DLG2: variants seen among roughly 807,000 people sequenced by gnomAD.
DLG2 encodes disks large homolog 2.
DLG2 carries 45 observed loss-of-function variants against 132.5 expected under a neutral mutation model. The ratio of observed to expected loss-of-function variants is 0.34; its 90% CI spans 0.27 to 0.44. The LOEUF (loss-of-function observed/expected upper bound fraction) is 0.44. Ranked by LOEUF, DLG2 falls within the 20% of genes least tolerant of loss-of-function variation. The pLI, the probability that DLG2 is intolerant of heterozygous loss-of-function variation, is 1.00. For synonymous variants in DLG2, 424 were observed against 419.6 expected (o/e 1.01, Z -0.13); for missense variants, 1,045 against 1,196.9 (o/e 0.87, Z 1.87).
intron 6 of DLG2, among the ~76,000 whole-genome samples, chr11:84,610,817 C>T (rs1237322570): frequency 6.6e-6 from 1 of 152,144 alleles, no homozygotes; most frequent in Non-Finnish European, 1.5e-5. Context: ...CCCAGTCATA[C>T]ATAGCCACAG....
chr11:84,238,304 T>C (rs1210516624), intron 8 of DLG2, among the ~76,000 whole-genome samples: 1 of 151,812 alleles, frequency 6.6e-6, no homozygotes, highest in African/African-American at 2.4e-5. Context: ...TGCTTGAGCC[T>C]GGGAATTCAA....
At chr11:85,320,152 T>A (rs1001460777) in intron 3 of DLG2, among the ~76,000 whole-genome samples, 2 of 151,884 alleles carry the variant, frequency 1.3e-5, no homozygotes, top group Admixed American at 1.3e-4. Flanking sequence ...TAAGTTACCA[T>A]ATGCTGTGAT....
chr11:85,285,130 T>C, intron 4 of DLG2, 90 bp downstream of exon 4: 2 of 1,120,818 alleles, frequency 1.8e-6, no homozygotes, highest in Admixed American at 4.7e-5. Flanking sequence ...TGTTGCCATT[T>C]GTTGATAATA....
chr11:85,061,402 T>C (rs2064120604), intron 6 of DLG2, among the ~76,000 whole-genome samples: 1 of 151,874 alleles, frequency 6.6e-6, no homozygotes, highest in South Asian at 2.1e-4. Context: ...GCTTAGATAT[T>C]ATTTGGCCTA....
intron 8 of DLG2, among the ~76,000 whole-genome samples, chr11:84,207,090 T>TATAC (rs1290472695): frequency 2.6e-5 from 4 of 151,680 alleles, no homozygotes; most frequent in African/African-American, 9.7e-5. Flanking sequence ...TCTATATATA[T>TATAC]ATATGTATGT....
At chr11:84,532,829 T>C (rs2099346127) in intron 7 of DLG2, among the ~76,000 whole-genome samples, 1 of 152,086 alleles carries the variant, frequency 6.6e-6, no homozygotes, top group Admixed American at 6.6e-5. Context: ...TTTCAACCAG[T>C]TTGAAAGAAT....
chr11:83,659,028 T>C (rs948242102), intron 18 of DLG2, among the ~76,000 whole-genome samples: 1 of 152,222 alleles, frequency 6.6e-6, no homozygotes, highest in Non-Finnish European at 1.5e-5. Flanking sequence ...TCACTTACTG[T>C]CTTGTATTGC....
At chr11:83,623,393 T>G (rs1444155008) in intron 19 of DLG2, among the ~76,000 whole-genome samples, 7 of 152,226 alleles carry the variant, frequency 4.6e-5, no homozygotes, top group Non-Finnish European at 1.0e-4. Context: ...TCTCTCCAAT[T>G]TGGTGACATC....
In DLG2 at chr11:85,496,146, C is replaced by T. The variant is rs113083280; in HGVS notation, c.40+102511G>A. On this transcript the variant is annotated intron_variant, in intron 3 of 27. Transcript: ENST00000376104. ...TGGTTGGGGGATTTCCCTTTCCTAG[C>T]CAAGGGAAGCCATGAGTTACTGTAC... Among the ~76,000 whole-genome samples the T allele has an allele frequency of 6.5e-3, 986 of 152,260 alleles. 11 individuals carry two copies. Among genetic ancestry groups the T allele is most frequent in the African/African-American group, 0.022 (919 of 41,550 alleles).
chr11:83,880,044 T>C (rs1437050050), intron 15 of DLG2, among the ~76,000 whole-genome samples: 1 of 152,158 alleles, frequency 6.6e-6, no homozygotes, highest in Non-Finnish European at 1.5e-5. Flanking sequence ...ATATGTGGTG[T>C]GCTCTGGAAA....
rs2135889624 is a variant in DLG2, at chr11:83,457,875, G to A, written c.*1943C>T. Reference sequence around the variant, plus strand: ...AGAATGCATTGCTAGCCCTTCCATTGGCAAAGGAAGCCTCAGGACTATGGG... The same window carrying A: ...AGAATGCATTGCTAGCCCTTCCATTAGCAAAGGAAGCCTCAGGACTATGGG... On this transcript the variant is annotated 3_prime_UTR_variant, in exon 28 of 28. Transcript: ENST00000376104. 6.5e-6 allele frequency: 1 copy of A among 152,762 alleles called. No homozygotes were observed. The highest frequency in any genetic ancestry group is 3.4e-3 in the Middle Eastern group (1 of 294). The allele number at this position is 152,762 out of a possible 1,614,324, so 9.5% of individuals were successfully genotyped here. A position where few individuals can be genotyped will look rare whatever the true frequency, so the allele number is the denominator to read the frequency against.
chr11:84,269,561 T>C (rs893496847), intron 7 of DLG2, among the ~76,000 whole-genome samples: 1 of 152,222 alleles, frequency 6.6e-6, no homozygotes, highest in Non-Finnish European at 1.5e-5. Flanking sequence ...TGCAAATCAA[T>C]TTGAAAATTC....
intron 8 of DLG2, among the ~76,000 whole-genome samples, chr11:84,202,824 A>G (rs552126730): frequency 6.6e-6 from 1 of 152,338 alleles, no homozygotes; most frequent in African/African-American, 2.4e-5. Context: ...ACACTTCTCA[A>G]AAGAAGACAT....
intron 7 of DLG2, among the ~76,000 whole-genome samples, chr11:84,302,956 G>C (rs548264474): frequency 6.7e-6 from 1 of 150,326 alleles, no homozygotes; most frequent in Non-Finnish European, 1.5e-5. Flanking sequence ...CACACAGACA[G>C]ACACACACAC....
At chr11:84,700,310 C>T (rs1160750934) in intron 6 of DLG2, among the ~76,000 whole-genome samples, 1 of 151,158 alleles carries the variant, frequency 6.6e-6, no homozygotes, top group Non-Finnish European at 1.5e-5. Context: ...CCTCAGAATA[C>T]ATAAATGAAT....
chr11:84,778,804 C>G lies in DLG2; in HGVS notation c.358-244073G>C, dbSNP rs1175146915. ...AGACTCACCCTCAAGAAGACCCACT[C>G]CCATTATGTGTGAGCACCATCCAAT... On this transcript the variant is annotated intron_variant, in intron 6 of 27. Transcript: ENST00000376104. Among the ~76,000 whole-genome samples, 3 of 152,234 alleles carry G rather than the reference C, an allele frequency of 2.0e-5. No homozygotes were observed. The South Asian group carries it at 6.2e-4, about 32-fold the overall frequency.
At chr11:84,771,806 T>C (rs1341612101) in intron 6 of DLG2, among the ~76,000 whole-genome samples, 2 of 152,152 alleles carry the variant, frequency 1.3e-5, no homozygotes, top group East Asian at 3.9e-4. Flanking sequence ...CAACCATAAA[T>C]GTAAATGCTC....
intron 17 of DLG2, among the ~76,000 whole-genome samples, chr11:83,800,114 G>A (rs1013372605): frequency 6.6e-6 from 1 of 152,114 alleles, no homozygotes; most frequent in African/African-American, 2.4e-5. Flanking sequence ...TTATCTCAAT[G>A]CAGGCTCATT....
chr11:83,543,358 T>C (rs1019781778), intron 19 of DLG2, among the ~76,000 whole-genome samples: 2 of 152,208 alleles, frequency 1.3e-5, no homozygotes, highest in African/African-American at 2.4e-5. Context: ...CACAGGTTTT[T>C]TGATGCAAAA....
Sources: allele counts gnomAD v4.1 joint callset (sites outside exome capture counted in the v4.1 genomes callset), GRCh38; gene constraint gnomAD v4.1.1; transcripts MANE v1.5; gene names NCBI Gene and HGNC (gene_info 2026-07-23, HGNC 2026-07-21).